TMPRSS4: variants seen among roughly 807,000 people sequenced by gnomAD.
TMPRSS4 encodes the protein transmembrane serine protease 4, also known as transmembrane protease serine 4.
TMPRSS4 carries 45 observed loss-of-function variants against 56.4 expected under a neutral mutation model. The observed-to-expected ratio is 0.80, with a 90% CI of 0.63 to 1.02. The LOEUF (loss-of-function observed/expected upper bound fraction) is 1.02, where lower values mean the gene tolerates loss of function less well. TMPRSS4 is among the 50% of genes least tolerant of loss of function. The pLI is 0.00. For missense variants in TMPRSS4, 546 were observed against 556.7 expected, an observed-to-expected ratio of 0.98 and a Z score of 0.19; for synonymous variants, 205 against 211.0, an observed-to-expected ratio of 0.97 and a Z score of 0.25.
chr11:118,099,499 A>C (rs147460512), intron 3 of TMPRSS4, among the ~76,000 whole-genome samples: 8 of 151,800 alleles, frequency 5.3e-5, no homozygotes, highest in African/African-American at 9.7e-5. Context: ...GAAAGAAAGA[A>C]AGACATGTAT....
At position 118,083,562 on chromosome 11, in the gene TMPRSS4, CTA is replaced by C. The variant is rs575623837; in HGVS notation, c.3+6259_3+6260del. Among the ~76,000 whole-genome samples, 12 of 152,218 alleles carry C rather than the reference CTA, an allele frequency of 7.9e-5. No homozygotes were observed. The East Asian group carries it at 2.3e-3, about 29-fold the overall frequency. On this transcript the variant is annotated intron_variant, in intron 1 of 12. Coordinates refer to ENST00000437212, the MANE Select transcript of TMPRSS4 (RefSeq NM_019894.4). Reference sequence around the variant, plus strand: ...CCCATTAACAATAAATAATTTTTGACTATGAGTATCTACTATGTCATGAACTT... The same window carrying C: ...CCCATTAACAATAAATAATTTTTGACTGAGTATCTACTATGTCATGAACTT...
intron 1 of TMPRSS4, among the ~76,000 whole-genome samples, chr11:118,091,917 G>A (rs1945996468): frequency 1.3e-5 from 2 of 152,172 alleles, no homozygotes; most frequent in Admixed American, 6.5e-5. Context: ...GATGGTGGAG[G>A]AGAGACGGCC....
Position 118,118,130 on chromosome 11 carries a change from C to T in TMPRSS4, c.*217C>T. The T allele has an allele frequency of 5.6e-6, 8 of 1,423,648 alleles. No individual in the cohort carries two copies. Among genetic ancestry groups the T allele is most frequent in the Non-Finnish European group, 7.3e-6 (8 of 1,093,602 alleles). The allele number at this position is 1,423,648 out of a possible 1,614,324, so 88.2% of individuals were successfully genotyped here. On this transcript the variant is annotated 3_prime_UTR_variant, in exon 13 of 13. Coordinates refer to ENST00000437212, the MANE Select transcript of TMPRSS4 (RefSeq NM_019894.4). ...AGTCAGCAGCCCTAGCTCGGCCACA[C>T]TTGGTGCTCCCAGCATCCCAGGGAG...
rs1724823198 is a variant in TMPRSS4 at position 118,117,456 on chromosome 11, TA to T, written c.1302+4del. On this transcript the variant is annotated splice_donor_region_variant and intron_variant, in intron 12 of 12. Transcript: ENST00000437212. ...AACTGGATCTACAATGTCTGGAAGG[TA>T]AGGTACCTTTGCCCTACCCACTGTG... 6.2e-7 allele frequency: 1 copy of T among 1,611,288 alleles called. No individual in the cohort carries two copies. Among genetic ancestry groups the T allele is most frequent in the South Asian group, 1.1e-5 (1 of 90,808 alleles).
At chr11:118,115,436 T>C (rs1947496884) in intron 11 of TMPRSS4, 156 bp downstream of exon 11, 1 of 919,706 alleles carries the variant, frequency 1.1e-6, no homozygotes, top group Non-Finnish European at 1.6e-6. Context: ...AAGGAAAGGA[T>C]AGTCAGATAA....
In TMPRSS4 at chr11:118,117,885, G is replaced by T. The variant is rs146553993; in HGVS notation, c.1303-17G>T. 2.1e-5 allele frequency: 34 copies of T among 1,613,806 alleles called. No homozygotes were observed. In the East Asian group the frequency reaches 2.2e-4, roughly 11 times the overall value. Reference sequence around the variant, plus strand: ...CAGATAATCTGACTTTCTCTTCATCGGTCTCTCTTATTCTAGGCTGAGCTG... The same window carrying T: ...CAGATAATCTGACTTTCTCTTCATCTGTCTCTCTTATTCTAGGCTGAGCTG... On this transcript the variant is annotated splice_polypyrimidine_tract_variant and intron_variant, in intron 12 of 12. Coordinates refer to ENST00000437212, the MANE Select transcript of TMPRSS4 (RefSeq NM_019894.4).
chr11:118,103,528 C>T (rs1946838788), intron 4 of TMPRSS4, among the ~76,000 whole-genome samples: 2 of 152,112 alleles, frequency 1.3e-5, no homozygotes, highest in African/African-American at 4.8e-5. Context: ...ATTACAGGTG[C>T]CAGCCACCAC....
chr11:118,103,292 G>A (rs541986276), intron 4 of TMPRSS4, 39 bp downstream of exon 4: 2 of 1,599,144 alleles, frequency 1.3e-6, no homozygotes, highest in Non-Finnish European at 1.7e-6. Context: ...AGTGGGCCCA[G>A]CAGGAGGTCT....
Position 118,113,541 on chromosome 11 carries a change from T to A in TMPRSS4, c.910+106T>A, listed in dbSNP as rs694850. 0.022 allele frequency: 29,285 copies of A among 1,329,072 alleles called. 2,070 individuals are homozygous for A. In the African/African-American group the frequency reaches 0.23, roughly 10 times the overall value. The allele number at this position is 1,329,072 out of a possible 1,614,324, so 82.3% of individuals were successfully genotyped here. A position where few individuals can be genotyped will look rare whatever the true frequency, so the allele number is the denominator to read the frequency against. On this transcript the variant is annotated intron_variant, in intron 9 of 12. Transcript: ENST00000437212. ...TTGGCACATAATGTCTCCTCTCAAG[T>A]CCTCAGCTTGCCCATTTGTCTCTAA...
intron 1 of TMPRSS4, among the ~76,000 whole-genome samples, chr11:118,088,910 A>G (rs1481292795): frequency 1.3e-5 from 2 of 152,196 alleles, no homozygotes; most frequent in Non-Finnish European, 2.9e-5. Context: ...AAAATAAGGA[A>G]GTTGCCTTGT....
intron 5 of TMPRSS4, chr11:118,107,062 T>C (rs191486102): frequency 2.0e-5 from 3 of 152,030 alleles, no homozygotes; most frequent in Non-Finnish European, 2.9e-5. Context: ...TAGTTAGGGA[T>C]GGAAGGAAAA....
At chr11:118,114,524 C>A (rs980756953) in intron 9 of TMPRSS4, among the ~76,000 whole-genome samples, 7 of 152,162 alleles carry the variant, frequency 4.6e-5, no homozygotes, top group Non-Finnish European at 1.0e-4. Flanking sequence ...GGACAATTCT[C>A]TAGGCTATAG....
Position 118,119,567 on chromosome 11 carries a change from T to C in TMPRSS4, c.*1654T>C, listed in dbSNP as rs899115286. The C allele has an allele frequency of 6.3e-6, 1 of 158,610 alleles. No individual in the cohort carries two copies. The highest frequency in any genetic ancestry group is 2.4e-5 in the African/African-American group (1 of 41,604). The allele number at this position is 158,610 out of a possible 1,614,324, so 9.8% of individuals were successfully genotyped here. ...AAGCAATATTTGCAGAGTATTTGTA[T>C]GTGCCAGACACTATTGTAAGTGCTT... On this transcript the variant is annotated 3_prime_UTR_variant, in exon 13 of 13. Coordinates refer to ENST00000437212, the MANE Select transcript of TMPRSS4 (RefSeq NM_019894.4).
intron 1 of TMPRSS4, among the ~76,000 whole-genome samples, chr11:118,081,482 C>T (rs1399040894): frequency 1.3e-5 from 2 of 152,202 alleles, no homozygotes; most frequent in African/African-American, 2.4e-5. Flanking sequence ...TGCCCGTGGC[C>T]CCCAGAGCAC....
chr11:118,114,600 G>T lies in TMPRSS4; in HGVS notation c.911-229G>T, dbSNP rs142866634. ...TTTAGGGCAGGGAAAATATTGGCTT[G>T]GTGTCTGAGAGTCAGATAAAGGAAG... On this transcript the variant is annotated intron_variant, in intron 9 of 12. Coordinates refer to ENST00000437212, the MANE Select transcript of TMPRSS4 (RefSeq NM_019894.4). Among the ~76,000 whole-genome samples, 1,066 of 152,230 alleles carry T rather than the reference G, an allele frequency of 7.0e-3. 49 individuals are homozygous for T. Among genetic ancestry groups the T allele is most frequent in the Admixed American group, 0.063 (965 of 15,288 alleles).
intron 1 of TMPRSS4, among the ~76,000 whole-genome samples, chr11:118,085,103 C>G (rs1237065890): frequency 1.3e-5 from 2 of 152,190 alleles, no homozygotes; most frequent in East Asian, 3.9e-4. Flanking sequence ...AATCTTTCTC[C>G]CCATCATCTT....
chr11:118,115,202 A>G lies in TMPRSS4; in HGVS notation c.1074A>G (p.Ala358=). 6.2e-7 allele frequency: 1 copy of G among 1,612,984 alleles called. No individual in the cohort carries two copies. The highest frequency in any genetic ancestry group is 8.5e-7 in the Non-Finnish European group (1 of 1,179,822). The change falls in exon 11 of 13, where the codon GCA becomes GCG. Residue 358 remains alanine (A), a synonymous_variant. Transcript: ENST00000437212. ...VQVIDSTRCN[A]DDAYQGEVTE... is the part of the protein sequence containing the mutation. ...TCATTGACAGCACACGGTGCAATGC[A>G]GACGATGCGTACCAGGGGGAAGTCA...
rs539914794 is a variant in TMPRSS4, at chr11:118,118,540, G to A, written c.*627G>A. The A allele has an allele frequency of 2.0e-6, 2 of 985,526 alleles. No homozygotes were observed. The highest frequency in any genetic ancestry group is 2.4e-6 in the Non-Finnish European group (2 of 830,050). The allele number at this position is 985,526 out of a possible 1,614,324, so 61.0% of individuals were successfully genotyped here. On this transcript the variant is annotated 3_prime_UTR_variant, in exon 13 of 13. Transcript: ENST00000437212. ...TGGCTTGGGGAGAAAAGAAGTCCTG[G>A]GGAAGCAATTGAGTCTCAAAGTAGA...
Position 118,121,104 on chromosome 11 carries a change from C to T in TMPRSS4, c.*3191C>T, listed in dbSNP as rs554403797. On this transcript the variant is annotated 3_prime_UTR_variant, in exon 13 of 13. Coordinates refer to ENST00000437212, the MANE Select transcript of TMPRSS4 (RefSeq NM_019894.4). The stretch of plus-strand genomic sequence containing the variant: ...TCAGTGGAAGTATATCTCCAGCATG[C>T]CAAAAGATAACAATCAATCAGGGAT... The T allele has an allele frequency of 7.2e-5, 11 of 152,092 alleles. No individual in the cohort carries two copies. The highest frequency in any genetic ancestry group is 1.6e-4 in the Non-Finnish European group (11 of 68,018). The allele number at this position is 152,092 out of a possible 1,614,324, so 9.4% of individuals were successfully genotyped here. A position where few individuals can be genotyped will look rare whatever the true frequency, so the allele number is the denominator to read the frequency against.
Sources: allele counts gnomAD v4.1 joint callset (sites outside exome capture counted in the v4.1 genomes callset), GRCh38; gene constraint gnomAD v4.1.1; transcripts MANE v1.5; gene names NCBI Gene and HGNC (gene_info 2026-07-23, HGNC 2026-07-21).